Variants in DENND5A observed in about 807,000 individuals in gnomAD.
DENND5A encodes DENN domain containing 5A.
DENND5A carries 64 observed loss-of-function variants against 140.3 expected under a neutral mutation model. That is an observed-to-expected ratio of 0.46 (90% confidence interval 0.37 to 0.56). The LOEUF (loss-of-function observed/expected upper bound fraction) is 0.56, where lower values mean the gene tolerates loss of function less well. Among genes scored for constraint, DENND5A ranks in the 20% least tolerant of loss-of-function variants. DENND5A has a pLI of 0.00. For missense variants in DENND5A, 1,292 were observed against 1,593.8 expected (o/e 0.81, Z 3.22); for synonymous variants, 605 against 607.7 (o/e 1.00, Z 0.07).
intron 12 of DENND5A, among the ~76,000 whole-genome samples, chr11:9,157,008 G>A (rs189333908): frequency 3.3e-5 from 5 of 152,166 alleles, no homozygotes; most frequent in East Asian, 1.9e-4. Flanking sequence ...AACATATAAT[G>A]ATACGATACT....
intron 1 of DENND5A, among the ~76,000 whole-genome samples, chr11:9,263,848 CAAAAAAAAAAA>C (rs57967676): frequency 1.5e-5 from 1 of 65,070 alleles, no homozygotes; most frequent in Admixed American, 1.9e-4. Context: ...GACTCCGTCT[CAAAAAAAAAAA>C]AAAAAAAAAA....
At chr11:9,244,609 T>C (rs2136279106) in intron 1 of DENND5A, among the ~76,000 whole-genome samples, 1 of 152,338 alleles carries the variant, frequency 6.6e-6, no homozygotes, top group African/African-American at 2.4e-5. Context: ...CCTCGGGTGA[T>C]CCGCCCGCTT....
intron 5 of DENND5A, among the ~76,000 whole-genome samples, chr11:9,190,390 G>A (rs1849076387): frequency 6.6e-6 from 1 of 152,126 alleles, no homozygotes; most frequent in African/African-American, 2.4e-5. Flanking sequence ...CCCAGTAGGG[G>A]GTAGTTGAAT....
chr11:9,177,121 G>A (rs1305118542), intron 8 of DENND5A, among the ~76,000 whole-genome samples: 1 of 151,900 alleles, frequency 6.6e-6, no homozygotes, highest in Non-Finnish European at 1.5e-5. Context: ...AGGTATGGTG[G>A]TATGTGCCTG....
intron 1 of DENND5A, among the ~76,000 whole-genome samples, chr11:9,237,135 G>A (rs1463299389): frequency 6.6e-6 from 1 of 152,120 alleles, no homozygotes; most frequent in East Asian, 1.9e-4. Flanking sequence ...AGATATGTTT[G>A]GGCCGGCACG....
At chr11:9,235,330 T>G (rs1229924862) in intron 1 of DENND5A, among the ~76,000 whole-genome samples, 1 of 152,112 alleles carries the variant, frequency 6.6e-6, no homozygotes, top group East Asian at 1.9e-4. Context: ...AGGAATAAGG[T>G]GCTGACACAT....
chr11:9,227,023 C>G (rs1011106832), intron 1 of DENND5A, among the ~76,000 whole-genome samples: 7 of 151,880 alleles, frequency 4.6e-5, no homozygotes, highest in Non-Finnish European at 1.0e-4. Context: ...ACAAAATTAG[C>G]CGGGCATGGT....
chr11:9,154,999 A>C (rs1426456482), intron 12 of DENND5A, among the ~76,000 whole-genome samples: 1 of 152,068 alleles, frequency 6.6e-6, no homozygotes, highest in African/African-American at 2.4e-5. Flanking sequence ...AAATACAAAA[A>C]TTAGGCGCGC....
intron 1 of DENND5A, among the ~76,000 whole-genome samples, chr11:9,220,823 G>A (rs1053500710): frequency 6.6e-6 from 1 of 151,986 alleles, no homozygotes; most frequent in African/African-American, 2.4e-5. Context: ...AACCTGGGAG[G>A]CAGAGGTTGC....
At chr11:9,243,779 G>C (rs1216273408) in intron 1 of DENND5A, among the ~76,000 whole-genome samples, 1 of 152,036 alleles carries the variant, frequency 6.6e-6, no homozygotes, top group Admixed American at 6.6e-5. Flanking sequence ...CCAGCTACTT[G>C]GGAGGCTGAG....
At chr11:9,169,608 G>A (rs1346564447) in intron 10 of DENND5A, among the ~76,000 whole-genome samples, 3 of 151,924 alleles carry the variant, frequency 2.0e-5, no homozygotes, top group Non-Finnish European at 4.4e-5. Flanking sequence ...ACTCCTCAGG[G>A]AGCATCATGC....
At position 9,150,711 on chromosome 11, in the gene DENND5A, G is replaced by A; in HGVS notation, c.2575C>T (p.Pro859Ser). The A allele has an allele frequency of 6.2e-7, 1 of 1,613,578 alleles. No individual in the cohort carries two copies. The highest frequency in any genetic ancestry group is 8.5e-7 in the Non-Finnish European group (1 of 1,179,632). ...RKSDASSLMPPLRISLIQDMR... is the reference protein window; with the variant it reads ...RKSDASSLMPSLRISLIQDMR... Reference sequence around the variant, plus strand: ...TCCTGAATCAGGGAGATCCTCAGGGGAGGCATGAGTGAGCTGGCATCAGAC... The same window carrying A: ...TCCTGAATCAGGGAGATCCTCAGGGAAGGCATGAGTGAGCTGGCATCAGAC... The change falls in exon 14 of 23, where the codon CCC becomes TCC. Residue 859 changes from proline (P) to serine (S), a missense_variant. Physicochemically the swap from Pro to Ser is moderately conservative, Grantham distance 74. Coordinates refer to ENST00000328194, the MANE Select transcript of DENND5A (RefSeq NM_015213.4).
intron 4 of DENND5A, among the ~76,000 whole-genome samples, chr11:9,200,701 A>G (rs1158499009): frequency 6.6e-6 from 1 of 152,194 alleles, no homozygotes; most frequent in Non-Finnish European, 1.5e-5. Flanking sequence ...TCCAGAACCC[A>G]ACCATTCCAC....
chr11:9,214,679 G>A (rs1407317323), intron 1 of DENND5A, among the ~76,000 whole-genome samples: 1 of 152,176 alleles, frequency 6.6e-6, no homozygotes, highest in Non-Finnish European at 1.5e-5. Flanking sequence ...AATACAAGCA[G>A]TGAACTGTCC....
intron 1 of DENND5A, among the ~76,000 whole-genome samples, chr11:9,258,455 C>T (rs1852047220): frequency 6.6e-6 from 1 of 152,160 alleles, no homozygotes; most frequent in Admixed American, 6.5e-5. Context: ...AGGACATGAA[C>T]TCATCCTTTT....
chr11:9,252,470 G>A (rs552014191), intron 1 of DENND5A, among the ~76,000 whole-genome samples: 58 of 151,946 alleles, frequency 3.8e-4, no homozygotes, highest in African/African-American at 1.3e-3. Context: ...CCAACATGAC[G>A]AAAGCGTCTT....
In DENND5A at chr11:9,184,515, T is replaced by C. The variant is rs138223517; in HGVS notation, c.1138-3431A>G. 3.6e-3 allele frequency among the ~76,000 whole-genome samples: 547 copies of C among 152,274 alleles called. 1 individual carries two copies. The highest frequency in any genetic ancestry group is 0.013 in the African/African-American group (528 of 41,564). On this transcript the variant is annotated intron_variant, in intron 5 of 22. Transcript: ENST00000328194. ...TATGCAAATATCCCACTTTAGAAAA[T>C]GATGCCTAGCTGTATTCCAAAGTGG...
intron 4 of DENND5A, among the ~76,000 whole-genome samples, chr11:9,194,319 C>T (rs1391302207): frequency 2.0e-5 from 3 of 152,208 alleles, no homozygotes; most frequent in African/African-American, 7.2e-5. Context: ...AATGCCAGCA[C>T]TTTGGGAGGC....
chr11:9,178,327 A>C lies in DENND5A; in HGVS notation c.1711T>G (p.Phe571Val), dbSNP rs1438206735. ...TGGGTCTCCAGGAATCTTGAGAGGA[A>C]GGGCAGGTAGGGCTCAGGCTGATCT... Reference protein sequence around the residue: ...LSDQPEPYLPFLSRFLETQMF... With the variant: ...LSDQPEPYLPVLSRFLETQMF... The change falls in exon 8 of 23, where the codon TTC becomes GTC. Residue 571 changes from phenylalanine (F) to valine (V), a missense_variant. Phe to Val is a conservative substitution (Grantham distance 50, BLOSUM62 -1). Coordinates refer to ENST00000328194, the MANE Select transcript of DENND5A (RefSeq NM_015213.4). 1 of 1,613,912 alleles carries C rather than the reference A, an allele frequency of 6.2e-7. No individual in the cohort carries two copies. Among genetic ancestry groups the C allele is most frequent in the Non-Finnish European group, 8.5e-7 (1 of 1,179,868 alleles).
Sources: allele counts gnomAD v4.1 joint callset (sites outside exome capture counted in the v4.1 genomes callset), GRCh38; gene constraint gnomAD v4.1.1; transcripts MANE v1.5; gene names NCBI Gene and HGNC (gene_info 2026-07-23, HGNC 2026-07-21).